ZBTB20: variants seen among roughly 807,000 people sequenced by gnomAD.
The protein encoded by ZBTB20 is zinc finger and BTB domain-containing protein 20.
A neutral mutation model predicts 56.9 loss-of-function variants in ZBTB20; 9 were observed. The ratio of observed to expected loss-of-function variants is 0.16; its 90% CI spans 0.10 to 0.28. The LOEUF (loss-of-function observed/expected upper bound fraction) is 0.28. ZBTB20 is among the 10% of genes least tolerant of loss of function. The probability of loss-of-function intolerance (pLI) is 1.00; values close to 1 mark genes in which losing one functional copy is unlikely to be tolerated. For synonymous variants in ZBTB20, 417 were observed against 420.7 expected (o/e 0.99, Z 0.11); for missense variants, 655 against 1,003.0 (o/e 0.65, Z 4.69).
chr3:114,595,811 T>A (rs903008285), intron 6 of ZBTB20, among the ~76,000 whole-genome samples: 1 of 152,194 alleles, frequency 6.6e-6, no homozygotes, highest in African/African-American at 2.4e-5. Context: ...CAAGATACGG[T>A]CAAGGTTACA....
intron 6 of ZBTB20, chr3:114,624,994 C>T (rs142029111): frequency 1.3e-5 from 2 of 152,790 alleles, no homozygotes; most frequent in Non-Finnish European, 2.9e-5. Flanking sequence ...CTGTCCACAT[C>T]ACTAAGCGAC....
At chr3:114,866,416 C>A (rs2075766184) in intron 4 of ZBTB20, among the ~76,000 whole-genome samples, 1 of 152,140 alleles carries the variant, frequency 6.6e-6, no homozygotes, top group Admixed American at 6.5e-5. Context: ...GTGTCTACTT[C>A]ATGGGGTTTG....
intron 6 of ZBTB20, among the ~76,000 whole-genome samples, chr3:114,514,824 C>A (rs2045805421): frequency 6.6e-6 from 1 of 152,068 alleles, no homozygotes; most frequent in Non-Finnish European, 1.5e-5. Flanking sequence ...AAGAGCATGC[C>A]TAGAGGGAAA....
At chr3:114,425,900 C>T (rs148666227) in intron 7 of ZBTB20, among the ~76,000 whole-genome samples, 96 of 152,288 alleles carry the variant, frequency 6.3e-4, no homozygotes, top group African/African-American at 2.2e-3. Flanking sequence ...TTCTGCTAAA[C>T]GTTCACATTT....
At chr3:114,596,931 T>A (rs751166051) in intron 6 of ZBTB20, among the ~76,000 whole-genome samples, 1 of 152,188 alleles carries the variant, frequency 6.6e-6, no homozygotes, top group Non-Finnish European at 1.5e-5. Flanking sequence ...TGCATGGTAT[T>A]TTAAAAGTTA....
intron 2 of ZBTB20, among the ~76,000 whole-genome samples, chr3:115,038,918 T>G (rs547863615): frequency 1.3e-5 from 2 of 152,190 alleles, no homozygotes; most frequent in African/African-American, 4.8e-5. Context: ...TTTTTTACCT[T>G]TTTATTATTA....
At chr3:115,116,900 T>C (rs990269068) in intron 1 of ZBTB20, among the ~76,000 whole-genome samples, 1 of 152,116 alleles carries the variant, frequency 6.6e-6, no homozygotes, top group African/African-American at 2.4e-5. Flanking sequence ...TACAAAGATC[T>C]GAATATGTTA....
chr3:115,024,002 T>C (rs1353821207), intron 2 of ZBTB20, among the ~76,000 whole-genome samples: 1 of 151,166 alleles, frequency 6.6e-6, no homozygotes, highest in Non-Finnish European at 1.5e-5. Flanking sequence ...ATCATTTATA[T>C]TTGATATCTA....
intron 3 of ZBTB20, among the ~76,000 whole-genome samples, chr3:114,934,149 T>A (rs2076451915): frequency 6.6e-6 from 1 of 152,188 alleles, no homozygotes; most frequent in Non-Finnish European, 1.5e-5. Flanking sequence ...GAGTTATAGA[T>A]CTGTTGAAAC....
chr3:114,339,555 TA>T lies in ZBTB20; in HGVS notation c.1805-130del. The T allele has an allele frequency of 8.8e-7, 1 of 1,142,446 alleles. No individual in the cohort carries two copies. The highest frequency in any genetic ancestry group is 1.7e-5 in the South Asian group (1 of 59,132). The allele number at this position is 1,142,446 out of a possible 1,614,324, so 70.8% of individuals were successfully genotyped here. A position where few individuals can be genotyped will look rare whatever the true frequency, so the allele number is the denominator to read the frequency against. On this transcript the variant is annotated intron_variant, in intron 11 of 11. Transcript: ENST00000675478. The surrounding 1 kb of genome is among the most constrained non-coding windows in gnomAD (Gnocchi z 4.2). ...AATTAAAAAATAAAATTTGATTGCT[TA>T]ATGGATCATCCTCGTTTGGAAAAAT...
intron 7 of ZBTB20, among the ~76,000 whole-genome samples, chr3:114,468,083 A>AT (rs1471558334): frequency 4.6e-5 from 7 of 152,160 alleles, no homozygotes; most frequent in African/African-American, 1.2e-4. Flanking sequence ...AGTTTTGAAT[A>AT]TTTTTTTATG....
chr3:114,960,706 T>C (rs1350889759), intron 3 of ZBTB20, among the ~76,000 whole-genome samples: 1 of 152,206 alleles, frequency 6.6e-6, no homozygotes, highest in African/African-American at 2.4e-5. Context: ...TTTCAATGTG[T>C]TCTGGTTACA....
intron 6 of ZBTB20, among the ~76,000 whole-genome samples, chr3:114,603,973 C>T (rs1027206692): frequency 3.3e-5 from 5 of 151,866 alleles, no homozygotes; most frequent in Admixed American, 2.6e-4. Flanking sequence ...CAACTCCTGT[C>T]GAGATCAATT....
At chr3:114,495,384 A>G (rs1288526801) in intron 7 of ZBTB20, among the ~76,000 whole-genome samples, 1 of 152,088 alleles carries the variant, frequency 6.6e-6, no homozygotes, top group Non-Finnish European at 1.5e-5. Context: ...GTCGCAGTGC[A>G]GTGGTGAAAG....
At chr3:115,113,588 T>C (rs925404596) in intron 1 of ZBTB20, among the ~76,000 whole-genome samples, 2 of 152,238 alleles carry the variant, frequency 1.3e-5, no homozygotes, top group Non-Finnish European at 2.9e-5. Context: ...ACAATGCAAG[T>C]GCAGAACAAC....
intron 6 of ZBTB20, among the ~76,000 whole-genome samples, chr3:114,601,012 A>C (rs894253277): frequency 6.6e-6 from 1 of 152,012 alleles, no homozygotes; most frequent in African/African-American, 2.4e-5. Context: ...AATATTCAGA[A>C]AGAATGGAAT....
chr3:114,635,463 C>A (rs978683563), intron 6 of ZBTB20, among the ~76,000 whole-genome samples: 2 of 152,002 alleles, frequency 1.3e-5, no homozygotes, highest in African/African-American at 4.8e-5. Flanking sequence ...AAACAGAGAT[C>A]CCTGAATTAA....
intron 3 of ZBTB20, among the ~76,000 whole-genome samples, chr3:114,960,483 T>C (rs2077408420): frequency 6.6e-6 from 1 of 152,226 alleles, no homozygotes; most frequent in Non-Finnish European, 1.5e-5. Context: ...GGATTAATAA[T>C]TGCCCAAGGT....
intron 6 of ZBTB20, among the ~76,000 whole-genome samples, chr3:114,633,978 A>G (rs938869078): frequency 4.6e-5 from 7 of 152,190 alleles, no homozygotes; most frequent in African/African-American, 1.7e-4. Context: ...AGCTATTTGC[A>G]TGAAGGAATC....
Sources: gnomAD v4.1 joint callset for allele counts (sites outside exome capture counted in the v4.1 genomes callset) on GRCh38, gnomAD v4.1.1 for gene constraint, Gnocchi (gnomAD v3.1) non-coding constraint, MANE v1.5 for transcripts, NCBI Gene and HGNC (gene_info 2026-07-23, HGNC 2026-07-21) for gene names.